PTPRA: variants seen among roughly 807,000 people sequenced by gnomAD.
PTPRA encodes the protein receptor-type tyrosine-protein phosphatase alpha.
Under a neutral mutation model 104.8 loss-of-function variants are expected in PTPRA, and 25 were observed. The ratio of observed to expected loss-of-function variants is 0.24; its 90% CI spans 0.17 to 0.33. PTPRA has a LOEUF of 0.33. Among genes scored for constraint, PTPRA ranks in the 10% least tolerant of loss-of-function variants. The pLI is 1.00. For missense variants in PTPRA, 765 were observed against 1,015.3 expected, an observed-to-expected ratio of 0.75 and a Z score of 3.35; for synonymous variants, 323 against 368.9, an observed-to-expected ratio of 0.88 and a Z score of 1.43.
intron 1 of PTPRA, among the ~76,000 whole-genome samples, chr20:2,875,913 C>T (rs944739298): frequency 6.6e-6 from 1 of 152,074 alleles, no homozygotes; most frequent in African/African-American, 2.4e-5. Context: ...TAGGAGTTTG[C>T]GCGTGGTGGA....
chr20:2,919,136 G>C (rs927130697), intron 1 of PTPRA, among the ~76,000 whole-genome samples: 1 of 151,996 alleles, frequency 6.6e-6, no homozygotes, highest in Admixed American at 6.6e-5. Context: ...TCCAAGATTT[G>C]ACCAAGTTGA....
chr20:2,992,097 A>G (rs2063200044), intron 9 of PTPRA, among the ~76,000 whole-genome samples: 1 of 152,228 alleles, frequency 6.6e-6, no homozygotes, highest in African/African-American at 2.4e-5. Flanking sequence ...GTTGATGTCA[A>G]TAGGAAGTCA....
At chr20:2,891,030 G>A (rs185859199) in intron 1 of PTPRA, among the ~76,000 whole-genome samples, 6 of 152,230 alleles carry the variant, frequency 3.9e-5, no homozygotes, top group East Asian at 1.9e-4. Flanking sequence ...CCTTTTCAGC[G>A]TGTTATTTTT....
the PTPRA span, chr20:2,865,039 A>AG: frequency 6.2e-7 from 1 of 1,614,198 alleles, no homozygotes; most frequent in Non-Finnish European, 8.5e-7. The surrounding 1 kb of genome is among the most constrained non-coding windows in gnomAD (Gnocchi z 5.2). Context: ...AAGGCCAAGA[A>AG]TGAGTTTGCA....
chr20:2,895,110 T>C (rs1362813555), intron 1 of PTPRA, among the ~76,000 whole-genome samples: 1 of 152,002 alleles, frequency 6.6e-6, no homozygotes, highest in East Asian at 1.9e-4. Context: ...AGAGTCTTGA[T>C]CTGTCAGCAG....
At chr20:3,024,407 C>A in intron 16 of PTPRA, 65 bp from the exon 17 acceptor site, 1 of 1,493,164 alleles carries the variant, frequency 6.7e-7, no homozygotes, top group Non-Finnish European at 9.2e-7. Context: ...GGGGTGGGAA[C>A]AGGTGATCTG....
chr20:3,027,262 G>T (rs1456477452), intron 19 of PTPRA, 65 bp downstream of exon 19: 6 of 1,484,896 alleles, frequency 4.0e-6, no homozygotes, highest in Non-Finnish European at 5.6e-6. Flanking sequence ...CACTTGCAGT[G>T]CCTCCCTCCC....
chr20:2,922,334 TATTG>T (rs774607791), intron 1 of PTPRA, among the ~76,000 whole-genome samples: 4 of 152,100 alleles, frequency 2.6e-5, no homozygotes, highest in African/African-American at 7.2e-5. Context: ...AGGGCTGTTT[TATTG>T]ATTGATTGAT....
At position 3,021,293 on chromosome 20, in the gene PTPRA, G is replaced by A; in HGVS notation, c.1042-16G>A. On this transcript the variant is annotated splice_polypyrimidine_tract_variant and intron_variant, in intron 13 of 23. Coordinates refer to ENST00000399903, the MANE Select transcript of PTPRA (RefSeq NM_001385305.1). ...GGAGGTCTAAGGTCAGGGAATGTAT[G>A]TCTTTTTCTTTCCAGTGCAAGTGCG... 6.2e-7 allele frequency: 1 copy of A among 1,613,744 alleles called. No homozygotes were observed. Among genetic ancestry groups the A allele is most frequent in the East Asian group, 2.2e-5 (1 of 44,878 alleles).
chr20:2,921,675 G>A (rs1421186910), intron 1 of PTPRA, among the ~76,000 whole-genome samples: 4 of 152,104 alleles, frequency 2.6e-5, no homozygotes, highest in African/African-American at 4.8e-5. Context: ...ACAGGAAGCA[G>A]ACACAGATGG....
intron 6 of PTPRA, among the ~76,000 whole-genome samples, chr20:2,982,225 G>C (rs530976612): frequency 6.6e-6 from 1 of 151,604 alleles, no homozygotes; most frequent in South Asian, 2.1e-4. Flanking sequence ...TGAGTAGCTG[G>C]GACCAGAGGG....
chr20:3,026,590 C>A, intron 17 of PTPRA, 97 bp from the exon 18 acceptor site: 1 of 875,172 alleles, frequency 1.1e-6, no homozygotes, highest in Non-Finnish European at 1.9e-6. Context: ...CAGTATGGAG[C>A]CAGAGTGGCC....
At chr20:2,913,192 A>T (rs1020203881) in intron 1 of PTPRA, among the ~76,000 whole-genome samples, 1 of 152,098 alleles carries the variant, frequency 6.6e-6, no homozygotes, top group East Asian at 1.9e-4. Flanking sequence ...CTTGGCCAAC[A>T]TGATGAAAAC....
At chr20:2,983,225 A>G (rs1237818598) in intron 6 of PTPRA, among the ~76,000 whole-genome samples, 1 of 152,142 alleles carries the variant, frequency 6.6e-6, no homozygotes. Flanking sequence ...GAGGCTGTGT[A>G]AAGCAGAAGG....
At chr20:2,981,759 A>G (rs1464231156) in intron 6 of PTPRA, among the ~76,000 whole-genome samples, 2 of 152,108 alleles carry the variant, frequency 1.3e-5, no homozygotes, top group Admixed American at 6.6e-5. Context: ...TGGTACCTCA[A>G]GGTCCACTTT....
chr20:2,914,300 T>C (rs1389221631), intron 1 of PTPRA, among the ~76,000 whole-genome samples: 1 of 152,182 alleles, frequency 6.6e-6, no homozygotes, highest in Non-Finnish European at 1.5e-5. Flanking sequence ...ATTTAGAGGT[T>C]AGGTCTGGAC....
intron 1 of PTPRA, among the ~76,000 whole-genome samples, chr20:2,920,089 A>G (rs2060046845): frequency 6.6e-6 from 1 of 152,192 alleles, no homozygotes; most frequent in African/African-American, 2.4e-5. Flanking sequence ...GTGGCTCTTT[A>G]CAGAAAAAGT....
intron 12 of PTPRA, among the ~76,000 whole-genome samples, chr20:3,017,422 C>T (rs2064521042): frequency 6.6e-6 from 1 of 152,180 alleles, no homozygotes; most frequent in East Asian, 1.9e-4. Context: ...TCCAACCTTT[C>T]TGGGGCTGAT....
chr20:2,909,978 T>C (rs1280124249), intron 1 of PTPRA, among the ~76,000 whole-genome samples: 2 of 105,364 alleles, frequency 1.9e-5, no homozygotes, highest in African/African-American at 8.4e-5. Context: ...ATATATAATC[T>C]ATCATATATC....
Sources: allele counts gnomAD v4.1 joint callset (sites outside exome capture counted in the v4.1 genomes callset), GRCh38; gene constraint gnomAD v4.1.1; non-coding constraint Gnocchi (gnomAD v3.1); transcripts MANE v1.5; gene names NCBI Gene and HGNC (gene_info 2026-07-23, HGNC 2026-07-21).